Variants in ASIC2 observed in about 807,000 individuals in gnomAD.
The protein encoded by ASIC2 is acid sensing ion channel subunit 2.
ASIC2 carries 25 observed loss-of-function variants against 57.3 expected under a neutral mutation model. That is an observed-to-expected ratio of 0.44 (90% CI 0.32 to 0.61). ASIC2 has a LOEUF of 0.61. Among genes scored for constraint, ASIC2 ranks in the 20% least tolerant of loss-of-function variants. The probability of loss-of-function intolerance (pLI) is 0.06; values close to 1 mark genes in which losing one functional copy is unlikely to be tolerated. For missense variants in ASIC2, 641 were observed against 738.1 expected (o/e 0.87, Z 1.52); for synonymous variants, 319 against 307.5 (o/e 1.04, Z -0.39).
intron 1 of ASIC2, among the ~76,000 whole-genome samples, chr17:33,312,217 G>C (rs1462314954): frequency 6.6e-6 from 1 of 152,110 alleles, no homozygotes; most frequent in Non-Finnish European, 1.5e-5. Flanking sequence ...TGTTAAACCT[G>C]GTGTATAGTG....
At chr17:33,902,439 G>T (rs1417674189) in intron 1 of ASIC2, among the ~76,000 whole-genome samples, 2 of 152,168 alleles carry the variant, frequency 1.3e-5, no homozygotes, top group Non-Finnish European at 2.9e-5. Flanking sequence ...AATGCAAGAG[G>T]CTCTTAATTT....
intron 1 of ASIC2, among the ~76,000 whole-genome samples, chr17:33,856,462 T>G (rs868791110): frequency 7.8e-5 from 6 of 77,274 alleles, no homozygotes; most frequent in African/African-American, 1.7e-4. Context: ...AATAGTCTTA[T>G]CAGTAGTAGT....
At chr17:33,812,798 G>C (rs759504429) in intron 1 of ASIC2, among the ~76,000 whole-genome samples, 10 of 152,310 alleles carry the variant, frequency 6.6e-5, no homozygotes, top group South Asian at 2.1e-4. Flanking sequence ...CATTTCCTTA[G>C]GACAAACAGG....
At chr17:34,035,767 AAC>A (rs1907850552) in intron 1 of ASIC2, among the ~76,000 whole-genome samples, 2 of 152,206 alleles carry the variant, frequency 1.3e-5, no homozygotes, top group Admixed American at 1.3e-4. Flanking sequence ...ATGCAGCCAA[AAC>A]ACACGTGAAA....
chr17:33,691,051 G>A (rs1327790333), intron 1 of ASIC2, among the ~76,000 whole-genome samples: 1 of 152,056 alleles, frequency 6.6e-6, no homozygotes, highest in East Asian at 1.9e-4. Context: ...GCCCGGCCTA[G>A]ACAGTTACTT....
At chr17:33,315,821 T>G (rs1906621663) in intron 1 of ASIC2, among the ~76,000 whole-genome samples, 1 of 152,192 alleles carries the variant, frequency 6.6e-6, no homozygotes, top group African/African-American at 2.4e-5. Context: ...AGAAAGCCAA[T>G]GAGGATCAGA....
At position 33,498,291 on chromosome 17, in the gene ASIC2, C is replaced by CT. The variant is rs1198993962; in HGVS notation, c.556-386225_556-386224insA. Among the ~76,000 whole-genome samples the CT allele has an allele frequency of 3.9e-5, 6 of 152,334 alleles. No individual in the cohort carries two copies. In the East Asian group the frequency reaches 1.2e-3, roughly 29 times the overall value. ...AGCTGGTTGTGATTCCGAGGCAACTCAAGCAGCACAGACAGTGATTTCATC... is the reference window on the plus strand; with the variant it reads ...AGCTGGTTGTGATTCCGAGGCAACTCTAAGCAGCACAGACAGTGATTTCATC... On this transcript the variant is annotated intron_variant, in intron 1 of 9. Coordinates refer to the ASIC2 transcript ENST00000359872.
chr17:33,159,359 T>TG (rs1377979456), intron 1 of ASIC2, among the ~76,000 whole-genome samples: 1 of 151,954 alleles, frequency 6.6e-6, no homozygotes, highest in Non-Finnish European at 1.5e-5. Context: ...TTCTTTTTTT[T>TG]GCTAAAATAC....
At chr17:33,905,466 C>G (rs546302051) in intron 1 of ASIC2, among the ~76,000 whole-genome samples, 125 of 152,334 alleles carry the variant, frequency 8.2e-4, no homozygotes, top group Non-Finnish European at 1.5e-3. Context: ...TCCCTTGCAT[C>G]ATAGCTTGTC....
chr17:33,572,320 T>A lies in ASIC2; in HGVS notation c.556-460253A>T, dbSNP rs138317157. 1,009 of 151,906 alleles carry A rather than the reference T, an allele frequency of 6.6e-3. 11 individuals carry two copies. Among genetic ancestry groups the A allele is most frequent in the Non-Finnish European group, 7.6e-3 (518 of 67,984 alleles). The allele number at this position is 151,906 out of a possible 1,614,324, so 9.4% of individuals were successfully genotyped here. On this transcript the variant is annotated intron_variant, in intron 1 of 9. Coordinates refer to the ASIC2 transcript ENST00000359872. ...GAAACGCACCCCCCCCACCCCAGGG[T>A]AGGGGTCTTTGTGGGTCCTGCCTAC...
intron 1 of ASIC2, among the ~76,000 whole-genome samples, chr17:33,484,552 T>C (rs1464546781): frequency 1.3e-5 from 2 of 152,246 alleles, no homozygotes; most frequent in Non-Finnish European, 2.9e-5. Flanking sequence ...TTCAACCAGT[T>C]ACCAATAAAA....
intron 1 of ASIC2, among the ~76,000 whole-genome samples, chr17:33,398,905 C>G (rs753514088): frequency 1.3e-5 from 2 of 152,172 alleles, no homozygotes; most frequent in Non-Finnish European, 2.9e-5. Context: ...GCTAGGCATG[C>G]TGCAAAGGGC....
intron 1 of ASIC2, among the ~76,000 whole-genome samples, chr17:34,032,913 T>C (rs1263430182): frequency 1.3e-5 from 2 of 152,134 alleles, no homozygotes; most frequent in Admixed American, 6.6e-5. Flanking sequence ...ACAATAATAA[T>C]GGGAGACTTT....
At chr17:34,108,309 C>T (rs1229534362) in intron 1 of ASIC2, among the ~76,000 whole-genome samples, 1 of 151,926 alleles carries the variant, frequency 6.6e-6, no homozygotes, top group Non-Finnish European at 1.5e-5. Context: ...TGTAGGTGCT[C>T]CTAGATGTGG....
intron 1 of ASIC2, among the ~76,000 whole-genome samples, chr17:34,008,722 C>T (rs1190853164): frequency 6.6e-6 from 1 of 152,204 alleles, no homozygotes. Flanking sequence ...CCCTTCCCTC[C>T]CATTCCTCCA....
chr17:34,094,645 T>C (rs565539637), intron 1 of ASIC2, among the ~76,000 whole-genome samples: 24 of 152,302 alleles, frequency 1.6e-4, no homozygotes, highest in African/African-American at 5.3e-4. Context: ...CAAGAAAAGG[T>C]TATCTAGCTC....
chr17:33,459,654 A>C (rs1912569665), intron 1 of ASIC2, among the ~76,000 whole-genome samples: 1 of 152,212 alleles, frequency 6.6e-6, no homozygotes, highest in Non-Finnish European at 1.5e-5. Flanking sequence ...TCTACATATT[A>C]AGCTGTTCTG....
intron 1 of ASIC2, among the ~76,000 whole-genome samples, chr17:33,264,546 A>T (rs1266742125): frequency 6.6e-6 from 1 of 152,198 alleles, no homozygotes; most frequent in African/African-American, 2.4e-5. Flanking sequence ...TGCATCCCAT[A>T]CCAGGCCACG....
chr17:33,870,605 C>A (rs1366220695), intron 1 of ASIC2, among the ~76,000 whole-genome samples: 1 of 151,926 alleles, frequency 6.6e-6, no homozygotes, highest in Non-Finnish European at 1.5e-5. Context: ...TCGGAATCTA[C>A]TTGTTGGGAT....
Sources: gnomAD v4.1 joint callset for allele counts (sites outside exome capture counted in the v4.1 genomes callset) on GRCh38, gnomAD v4.1.1 for gene constraint, MANE v1.5 for transcripts, NCBI Gene and HGNC (gene_info 2026-07-23, HGNC 2026-07-21) for gene names.